The following CYP2C19 variants were observed in gnomAD, a reference collection of about 807,000 sequenced individuals.
CYP2C19 encodes the protein cytochrome P450 family 2 subfamily C member 19.
Under a neutral mutation model 40.9 loss-of-function variants are expected in CYP2C19, and 59 were observed. The observed-to-expected ratio is 1.44, with a 90% CI of 1.17 to 1.79. The LOEUF (loss-of-function observed/expected upper bound fraction) is 1.79, where lower values mean the gene tolerates loss of function less well. Ranked by LOEUF, CYP2C19 falls within the 40% of genes most tolerant of loss-of-function variation. CYP2C19 has a pLI of 0.00. For synonymous variants in CYP2C19, 253 were observed against 208.7 expected (o/e 1.21, Z -1.83); for missense variants, 754 against 596.9 (o/e 1.26, Z -2.74).
At chr10:94,802,702 G>C (rs746306803) in intron 5 of CYP2C19, among the ~76,000 whole-genome samples, 3 of 152,088 alleles carry the variant, frequency 2.0e-5, no homozygotes, top group South Asian at 2.1e-4. Context: ...AATTTGGTGT[G>C]TTTTTGCAGT....
At chr10:94,831,101 T>A (rs1013847506) in intron 6 of CYP2C19, among the ~76,000 whole-genome samples, 16 of 152,202 alleles carry the variant, frequency 1.1e-4, no homozygotes, top group Admixed American at 6.5e-5. Context: ...TTATTTTAGA[T>A]CCCACAAATA....
At chr10:94,792,926 C>T (rs995468093) in intron 5 of CYP2C19, among the ~76,000 whole-genome samples, 1 of 152,164 alleles carries the variant, frequency 6.6e-6, no homozygotes, top group Non-Finnish European at 1.5e-5. Context: ...GGAAGTTCTC[C>T]TGGATAATAT....
chr10:94,836,319 G>A (rs1051440366), intron 6 of CYP2C19, among the ~76,000 whole-genome samples: 2 of 152,172 alleles, frequency 1.3e-5, no homozygotes, highest in Non-Finnish European at 2.9e-5. Flanking sequence ...CACTACATCA[G>A]TTTCCTTACT....
chr10:94,817,699 T>A (rs917475131), intron 5 of CYP2C19, among the ~76,000 whole-genome samples: 13 of 151,840 alleles, frequency 8.6e-5, no homozygotes, highest in African/African-American at 2.9e-4. Context: ...CTTCTAGGGT[T>A]TTTATGGTTT....
At chr10:94,803,643 G>T (rs948239597) in intron 5 of CYP2C19, among the ~76,000 whole-genome samples, 5 of 152,160 alleles carry the variant, frequency 3.3e-5, no homozygotes, top group South Asian at 4.1e-4. Flanking sequence ...CAGACTTGAA[G>T]CCCCCAGGGT....
intron 5 of CYP2C19, among the ~76,000 whole-genome samples, chr10:94,795,513 T>A (rs931537569): frequency 1.3e-5 from 2 of 152,102 alleles, no homozygotes; most frequent in African/African-American, 4.8e-5. Context: ...TTTTGGGTAT[T>A]TACCCAGTAA....
chr10:94,837,548 T>C (rs1209138076), intron 6 of CYP2C19, among the ~76,000 whole-genome samples: 1 of 152,112 alleles, frequency 6.6e-6, no homozygotes, highest in African/African-American at 2.4e-5. Context: ...TCAGGCATAA[T>C]TAGAAAAGCA....
intron 7 of CYP2C19, 74 bp downstream of exon 7, chr10:94,843,098 T>A: frequency 6.4e-7 from 1 of 1,557,174 alleles, no homozygotes; most frequent in Non-Finnish European, 8.9e-7. Flanking sequence ...TCTTACCCTC[T>A]ACCATCACTG....
At chr10:94,840,109 G>A (rs1849469580) in intron 6 of CYP2C19, among the ~76,000 whole-genome samples, 2 of 151,992 alleles carry the variant, frequency 1.3e-5, no homozygotes, top group South Asian at 4.2e-4. Context: ...AATGCATTTG[G>A]CCCATCCGCG....
chr10:94,779,551 T>TTTTTCTTTTC (rs6144036), intron 3 of CYP2C19, among the ~76,000 whole-genome samples: 100,945 of 135,968 alleles, frequency 0.74, 37,650 homozygotes, highest in Middle Eastern at 0.85. Context: ...CTTTTTTTCC[T>TTTTTCTTTTC]TTTTCTTTTC....
intron 5 of CYP2C19, among the ~76,000 whole-genome samples, chr10:94,786,261 A>G (rs1048402205): frequency 1.3e-5 from 2 of 152,000 alleles, no homozygotes; most frequent in Non-Finnish European, 2.9e-5. Context: ...CAACTTTCCC[A>G]TTTCTGGAAA....
chr10:94,775,114 G>A lies in CYP2C19; in HGVS notation c.225G>A (p.Val75=). Residue 75 remains valine, a synonymous_variant, in exon 2 of 9, where the codon GTG becomes GTA. Transcript: ENST00000371321. The stretch of plus-strand genomic sequence containing the variant: ...TGTATTTTGGCCTGGAACGCATGGT[G>A]GTGCTGCATGGATATGAAGTGGTGA... The part of the protein sequence containing the change: ...FTLYFGLERM[V]VLHGYEVVKE... 2 of 1,614,112 alleles carry A rather than the reference G, an allele frequency of 1.2e-6. No individual in the cohort carries two copies. The highest frequency in any genetic ancestry group is 8.5e-7 in the Non-Finnish European group (1 of 1,180,030).
chr10:94,822,557 T>A (rs915574587), intron 6 of CYP2C19, among the ~76,000 whole-genome samples: 8 of 152,298 alleles, frequency 5.3e-5, no homozygotes, highest in Non-Finnish European at 1.0e-4. Context: ...GTCTTTTTGA[T>A]AGAATGAATT....
rs140267616 is a variant in CYP2C19, at chr10:94,781,976, C to T, written c.798C>T (p.Cys266=). The part of the protein sequence containing the change: ...DINNPRDFID[C]FLIKMEKEKQ... Reference sequence around the variant, plus strand: ...ACAACCCTCGGGACTTTATTGATTGCTTCCTGATCAAAATGGAGAAGGTAA... The same window carrying T: ...ACAACCCTCGGGACTTTATTGATTGTTTCCTGATCAAAATGGAGAAGGTAA... The change falls in exon 5 of 9, where the codon TGC becomes TGT. Residue 266 remains cysteine, a synonymous_variant. Coordinates refer to ENST00000371321, the MANE Select transcript of CYP2C19 (RefSeq NM_000769.4). 3.3e-6 allele frequency: 5 copies of T among 1,535,206 alleles called. No homozygotes were observed. Among genetic ancestry groups the T allele is most frequent in the South Asian group, 1.3e-5 (1 of 74,762 alleles).
chr10:94,833,429 C>T (rs990784806), intron 6 of CYP2C19, among the ~76,000 whole-genome samples: 1 of 151,572 alleles, frequency 6.6e-6, no homozygotes, highest in African/African-American at 2.4e-5. Context: ...AGGTATGTTC[C>T]TTCTATCTCA....
chr10:94,778,561 T>A (rs1848440848), intron 3 of CYP2C19, among the ~76,000 whole-genome samples: 2 of 152,106 alleles, frequency 1.3e-5, no homozygotes, highest in Non-Finnish European at 2.9e-5. Flanking sequence ...AAAACCACAA[T>A]GAGGTAAAAT....
chr10:94,768,490 C>T (rs192474561), intron 1 of CYP2C19, among the ~76,000 whole-genome samples: 93 of 152,174 alleles, frequency 6.1e-4, no homozygotes, highest in African/African-American at 2.1e-3. Flanking sequence ...GGGTTGGGGG[C>T]TATGCCTGTA....
chr10:94,852,940 C>T lies in CYP2C19; in HGVS notation c.*26C>T. Reference sequence around the variant, plus strand: ...AGAAGCACAGATGGTCTGGCTGCTCCTGTGCTGTCCCTGCAGCTCTCTTTC... The same window carrying T: ...AGAAGCACAGATGGTCTGGCTGCTCTTGTGCTGTCCCTGCAGCTCTCTTTC... On this transcript the variant is annotated 3_prime_UTR_variant, in exon 9 of 9. Coordinates refer to ENST00000371321, the MANE Select transcript of CYP2C19 (RefSeq NM_000769.4). The T allele has an allele frequency of 6.2e-7, 1 of 1,612,656 alleles. No individual in the cohort carries two copies. Among genetic ancestry groups the T allele is most frequent in the Non-Finnish European group, 8.5e-7 (1 of 1,178,926 alleles).
At position 94,797,620 on chromosome 10, in the gene CYP2C19, A is replaced by G. The variant is rs182505769; in HGVS notation, c.819+15623A>G. On this transcript the variant is annotated intron_variant, in intron 5 of 8. Coordinates refer to ENST00000371321, the MANE Select transcript of CYP2C19 (RefSeq NM_000769.4). ...TTAGCTGTGAATCCTTCTGGTCCTG[A>G]ACTTTTTTTTTGGTTGGTAGGCTAT... 3.1e-3 allele frequency among the ~76,000 whole-genome samples: 470 copies of G among 151,682 alleles called. 3 individuals are homozygous for G. The highest frequency in any genetic ancestry group is 0.011 in the African/African-American group (447 of 41,426).
Sources: gnomAD v4.1 joint callset for allele counts (sites outside exome capture counted in the v4.1 genomes callset) on GRCh38, gnomAD v4.1.1 for gene constraint, MANE v1.5 for transcripts, NCBI Gene and HGNC (gene_info 2026-07-23, HGNC 2026-07-21) for gene names.